TESK2: variants seen among roughly 807,000 people sequenced by gnomAD.
TESK2 encodes dual specificity testis-specific protein kinase 2.
Under a neutral mutation model 57.1 loss-of-function variants are expected in TESK2, and 39 were observed. The ratio of observed to expected loss-of-function variants is 0.68; its 90% CI spans 0.53 to 0.89. The LOEUF (loss-of-function observed/expected upper bound fraction) is 0.89. Ranked by LOEUF, TESK2 falls within the 40% of genes least tolerant of loss-of-function variation. The probability of loss-of-function intolerance (pLI) is 0.00; values close to 1 mark genes in which losing one functional copy is unlikely to be tolerated. For missense variants in TESK2, 646 were observed against 732.1 expected (o/e 0.88, Z 1.36); for synonymous variants, 249 against 267.9 (o/e 0.93, Z 0.69).
In TESK2 at chr1:45,345,480, C is replaced by G; in HGVS notation, c.1076G>C (p.Arg359Thr). ...DKIPHKSPCP[R>T]RTIWLSRSQS... is the part of the protein sequence containing the mutation. The stretch of plus-strand genomic sequence containing the variant: ...GCTTCGAGACAGCCAGATGGTACGT[C>G]TTGGGCATGGTGACTTGTGGGGGAT... Residue 359 changes from arginine to threonine, a missense_variant, in exon 11 of 11, where the codon AGA (arginine) becomes ACA (threonine). By Grantham distance (71) the Arg-to-Thr change is moderately conservative. Coordinates refer to ENST00000372086, the MANE Select transcript of TESK2 (RefSeq NM_007170.3). 6.2e-7 allele frequency: 1 copy of G among 1,614,130 alleles called. No individual in the cohort carries two copies. Among genetic ancestry groups the G allele is most frequent in the Non-Finnish European group, 8.5e-7 (1 of 1,180,026 alleles).
intron 2 of TESK2, among the ~76,000 whole-genome samples, chr1:45,428,585 CT>C (rs1468157170): frequency 6.6e-6 from 1 of 152,140 alleles, no homozygotes; most frequent in Non-Finnish European, 1.5e-5. Flanking sequence ...TCACTGCAGC[CT>C]CCCCCTCCTG....
At chr1:45,383,259 G>C (rs4660852) in intron 4 of TESK2, among the ~76,000 whole-genome samples, 1 of 152,078 alleles carries the variant, frequency 6.6e-6, no homozygotes, top group South Asian at 2.1e-4. Context: ...ATATAGTTGT[G>C]CTGCCAAGTC....
In TESK2 at chr1:45,427,234, CAAAAAAAAAAA is replaced by C. The variant is rs111269135; in HGVS notation, c.223-5399_223-5389del. On this transcript the variant is annotated intron_variant, in intron 2 of 10. Transcript: ENST00000372086. ...CTTCAGCCTCAGCAAGACTCTGTCTCAAAAAAAAAAAAAAAAAAAAAAAAAGAATTCTTGCA... is the reference window on the plus strand; with the variant it reads ...CTTCAGCCTCAGCAAGACTCTGTCTCAAAAAAAAAAAAAAGAATTCTTGCA... Among the ~76,000 whole-genome samples, 149 of 129,396 alleles carry C rather than the reference CAAAAAAAAAAA, an allele frequency of 1.2e-3. 1 individual carries two copies. The highest frequency in any genetic ancestry group is 6.5e-3 in the South Asian group (28 of 4,308). 84.9% of individuals were successfully genotyped at this position (129,396 alleles called of 152,430 possible). A position where few individuals can be genotyped will look rare whatever the true frequency, so the allele number is the denominator to read the frequency against.
chr1:45,490,529 G>A (rs1192603830), intron 1 of TESK2, among the ~76,000 whole-genome samples: 1 of 152,160 alleles, frequency 6.6e-6, no homozygotes. Context: ...CGCTCAGTGG[G>A]GAGCTGGAAG....
chr1:45,419,592 G>T (rs1474726758), intron 3 of TESK2, among the ~76,000 whole-genome samples: 1 of 151,994 alleles, frequency 6.6e-6, no homozygotes, highest in African/African-American at 2.4e-5. Context: ...GATTACCTGA[G>T]GTCAGGAGTT....
At chr1:45,466,647 C>T (rs1316187002) in intron 1 of TESK2, among the ~76,000 whole-genome samples, 3 of 149,342 alleles carry the variant, frequency 2.0e-5, no homozygotes, top group South Asian at 2.1e-4. Context: ...AAGACTCTAT[C>T]TCAAATAATA....
At chr1:45,478,915 G>T (rs1653104238) in intron 1 of TESK2, among the ~76,000 whole-genome samples, 1 of 151,844 alleles carries the variant, frequency 6.6e-6, no homozygotes, top group Non-Finnish European at 1.5e-5. Context: ...GTAGAGACGG[G>T]GTTTCACCGT....
intron 1 of TESK2, among the ~76,000 whole-genome samples, chr1:45,483,384 T>C (rs1456089988): frequency 6.6e-6 from 1 of 150,588 alleles, no homozygotes; most frequent in East Asian, 1.9e-4. Context: ...TGGCCTGAGG[T>C]CAAGAGTTCA....
chr1:45,446,162 A>C (rs1651639938), intron 2 of TESK2, among the ~76,000 whole-genome samples: 1 of 135,278 alleles, frequency 7.4e-6, no homozygotes, highest in Admixed American at 7.8e-5. Flanking sequence ...GAAGAAAAAA[A>C]ACTTCCTTTT....
chr1:45,411,428 G>C (rs551658075), intron 3 of TESK2, among the ~76,000 whole-genome samples: 1 of 152,094 alleles, frequency 6.6e-6, no homozygotes, highest in Non-Finnish European at 1.5e-5. Context: ...AAGATCCCTC[G>C]CATGCACAGT....
chr1:45,461,283 G>A, intron 1 of TESK2, among the ~76,000 whole-genome samples: 1 of 152,044 alleles, frequency 6.6e-6, no homozygotes, highest in African/African-American at 2.4e-5. Context: ...AACCCAAGAG[G>A]CAGAGATTGC....
At chr1:45,413,566 A>ATTCTTT (rs1188332251) in intron 3 of TESK2, among the ~76,000 whole-genome samples, 1 of 152,152 alleles carries the variant, frequency 6.6e-6, no homozygotes, top group East Asian at 1.9e-4. Context: ...TTTTCAACTC[A>ATTCTTT]TTCTTTTTCT....
At chr1:45,434,956 TTTC>T (rs1449522373) in intron 2 of TESK2, among the ~76,000 whole-genome samples, 23 of 122,528 alleles carry the variant, frequency 1.9e-4, no homozygotes, top group Non-Finnish European at 2.4e-4. Context: ...TTTACTTTTC[TTTC>T]TTTTTTTTTT....
chr1:45,403,299 T>C (rs576597891), intron 3 of TESK2, among the ~76,000 whole-genome samples: 1 of 151,526 alleles, frequency 6.6e-6, no homozygotes, highest in East Asian at 1.9e-4. Context: ...AGGCAATGGC[T>C]GAGATCTCAA....
Position 45,345,255 on chromosome 1 carries a change from C to G in TESK2, c.1301G>C (p.Gly434Ala). 6.2e-7 allele frequency: 1 copy of G among 1,614,214 alleles called. No individual in the cohort carries two copies. Among genetic ancestry groups the G allele is most frequent in the Non-Finnish European group, 8.5e-7 (1 of 1,180,042 alleles). The change falls in exon 11 of 11, where the codon GGG (glycine) becomes GCG (alanine). Residue 434 changes from glycine (G) to alanine (A), a missense_variant. Physicochemically the swap from Gly to Ala is moderately conservative, Grantham distance 60. Coordinates refer to ENST00000372086, the MANE Select transcript of TESK2 (RefSeq NM_007170.3). ...ISLVFDLDAP[G>A]PGTMPLADWQ... ...GTCAGCCAGGGGCATAGTTCCGGGC[C>G]CTGGTGCATCCAGGTCAAATACCAG...
In TESK2 at chr1:45,347,490, C is replaced by T. The variant is rs372362566; in HGVS notation, c.708+119G>A. The T allele has an allele frequency of 1.2e-5, 11 of 906,592 alleles. 1 individual carries two copies. Among genetic ancestry groups the T allele is most frequent in the African/African-American group, 8.3e-5 (5 of 60,236 alleles). 56.2% of individuals were successfully genotyped at this position (906,592 alleles called of 1,614,324 possible). The stretch of plus-strand genomic sequence containing the variant: ...CTGAGGCAGGAGAATAGCTTGAACT[C>T]GGGAGGCAGTAAGCCGAGATCGTGC... On this transcript the variant is annotated intron_variant, in intron 7 of 10. Coordinates refer to ENST00000372086, the MANE Select transcript of TESK2 (RefSeq NM_007170.3).
intron 3 of TESK2, among the ~76,000 whole-genome samples, chr1:45,391,724 C>T (rs938654688): frequency 6.6e-6 from 1 of 152,174 alleles, no homozygotes; most frequent in African/African-American, 2.4e-5. Context: ...ATCTCCTGGA[C>T]GCCCTTAGCA....
chr1:45,476,050 G>A (rs770494119), intron 1 of TESK2, among the ~76,000 whole-genome samples: 2 of 152,122 alleles, frequency 1.3e-5, no homozygotes, highest in Non-Finnish European at 2.9e-5. Context: ...ACGGCCTATC[G>A]TGGGACTTTA....
At chr1:45,451,079 A>C (rs1239714821) in intron 2 of TESK2, among the ~76,000 whole-genome samples, 1 of 152,228 alleles carries the variant, frequency 6.6e-6, no homozygotes, top group African/African-American at 2.4e-5. Context: ...TCCCCAGCAC[A>C]CTGGAGTCTG....
Sources: gnomAD v4.1 joint callset for allele counts (sites outside exome capture counted in the v4.1 genomes callset) on GRCh38, gnomAD v4.1.1 for gene constraint, MANE v1.5 for transcripts, NCBI Gene and HGNC (gene_info 2026-07-23, HGNC 2026-07-21) for gene names.